Variants in GRIP1 observed in about 807,000 individuals in gnomAD.
GRIP1 encodes the protein glutamate receptor interacting protein 1, also known as glutamate receptor-interacting protein 1.
GRIP1 carries 45 observed loss-of-function variants against 129.9 expected under a neutral mutation model. The observed-to-expected ratio is 0.35, with a 90% CI of 0.27 to 0.44. The LOEUF (loss-of-function observed/expected upper bound fraction) is 0.44. GRIP1 is among the 20% of genes least tolerant of loss of function. GRIP1 has a pLI of 1.00. For missense variants in GRIP1, 1,196 were observed against 1,396.8 expected (o/e 0.86, Z 2.29); for synonymous variants, 530 against 520.8 (o/e 1.02, Z -0.24).
intron 1 of GRIP1, among the ~76,000 whole-genome samples, chr12:66,875,501 CT>C (rs1250194515): frequency 6.6e-6 from 1 of 152,052 alleles, no homozygotes; most frequent in East Asian, 1.9e-4. Context: ...CCACAGGCTG[CT>C]TCACAAACAT....
At chr12:66,771,467 G>C (rs1333586220) in intron 1 of GRIP1, among the ~76,000 whole-genome samples, 1 of 152,142 alleles carries the variant, frequency 6.6e-6, no homozygotes, top group East Asian at 1.9e-4. Flanking sequence ...AAACCATTGA[G>C]TACATCATAA....
intron 1 of GRIP1, among the ~76,000 whole-genome samples, chr12:66,958,361 T>C (rs771759623): frequency 5.9e-5 from 9 of 152,088 alleles, no homozygotes; most frequent in Non-Finnish European, 1.2e-4. Context: ...TTGAACTCCT[T>C]ACCCAAGCGA....
At chr12:66,375,547 A>G (rs1020468359) in intron 22 of GRIP1, among the ~76,000 whole-genome samples, 9 of 152,212 alleles carry the variant, frequency 5.9e-5, no homozygotes, top group African/African-American at 2.2e-4. Context: ...AAAAGTGTAA[A>G]TATAACTAAT....
chr12:66,983,847 A>G lies in GRIP1; in HGVS notation c.58+85203T>C, dbSNP rs1380589363. 2.0e-5 allele frequency among the ~76,000 whole-genome samples: 3 copies of G among 152,054 alleles called. No homozygotes were observed. The East Asian group carries it at 5.8e-4, about 29-fold the overall frequency. ...GAGGGTATACTTAATAGTGTTGCCC[A>G]GGAATTATCCTGGTGTCTGTTTTTG... On this transcript the variant is annotated intron_variant, in intron 1 of 1. Coordinates refer to the GRIP1 transcript ENST00000643019.
At chr12:66,852,876 G>A (rs2039938629) in intron 1 of GRIP1, among the ~76,000 whole-genome samples, 1 of 151,848 alleles carries the variant, frequency 6.6e-6, no homozygotes, top group African/African-American at 2.4e-5. Flanking sequence ...CAGTTTTACT[G>A]TTAAATATTG....
At chr12:66,733,429 C>T (rs78916354) in intron 1 of GRIP1, among the ~76,000 whole-genome samples, 2,886 of 152,166 alleles carry the variant, frequency 0.019, 47 homozygotes, top group Non-Finnish European at 0.032. Context: ...GAGGAAAGTG[C>T]CTTAAAGCAG....
chr12:66,431,886 A>T (rs2058158074), intron 14 of GRIP1, among the ~76,000 whole-genome samples: 2 of 152,134 alleles, frequency 1.3e-5, no homozygotes, highest in Admixed American at 1.3e-4. Context: ...GAGTACATTT[A>T]TATGCTCCAC....
intron 1 of GRIP1, among the ~76,000 whole-genome samples, chr12:66,676,060 A>ATT (rs921678591): frequency 6.6e-6 from 1 of 152,184 alleles, no homozygotes; most frequent in African/African-American, 2.4e-5. Flanking sequence ...CTAGAAATAC[A>ATT]TGTTTTATAC....
intron 1 of GRIP1, among the ~76,000 whole-genome samples, chr12:66,945,434 G>A (rs941645448): frequency 1.3e-5 from 2 of 152,188 alleles, no homozygotes; most frequent in Non-Finnish European, 2.9e-5. Flanking sequence ...ATTGGCTTAC[G>A]ATTTGGCAGG....
Position 66,889,351 on chromosome 12 carries a change from C to T in GRIP1, c.58+179699G>A, listed in dbSNP as rs113010931. ...TGGCAGGGGCCTATAATACCAGCTA[C>T]TCGGGAGGCTGAGGCAGGAGAATCA... On this transcript the variant is annotated intron_variant, in intron 1 of 1. Transcript: ENST00000643019. Among the ~76,000 whole-genome samples, 366 of 152,164 alleles carry T rather than the reference C, an allele frequency of 2.4e-3. 2 individuals are homozygous for T. The highest frequency in any genetic ancestry group is 8.6e-3 in the African/African-American group (355 of 41,520).
chr12:66,605,066 C>T (rs7311536), intron 1 of GRIP1, among the ~76,000 whole-genome samples: 29,254 of 146,684 alleles, frequency 0.2, 2,987 homozygotes, highest in Non-Finnish European at 0.23. Context: ...TATATATATA[C>T]ATATATATAT....
intron 1 of GRIP1, among the ~76,000 whole-genome samples, chr12:66,784,352 G>A (rs1277453369): frequency 6.6e-6 from 1 of 152,148 alleles, no homozygotes; most frequent in Admixed American, 6.5e-5. Flanking sequence ...TATTTGCACA[G>A]CACTGTACTA....
intron 1 of GRIP1, among the ~76,000 whole-genome samples, chr12:66,624,518 T>C (rs1346120231): frequency 6.6e-6 from 1 of 152,166 alleles, no homozygotes; most frequent in Non-Finnish European, 1.5e-5. Context: ...ATATAATTTA[T>C]TGATTCTCTC....
intron 1 of GRIP1, among the ~76,000 whole-genome samples, chr12:66,966,403 C>A (rs1181434321): frequency 6.6e-6 from 1 of 152,072 alleles, no homozygotes; most frequent in Non-Finnish European, 1.5e-5. Context: ...CTTATATCAA[C>A]CCAGAGAGTT....
chr12:66,770,465 G>A (rs1013746668), intron 1 of GRIP1, among the ~76,000 whole-genome samples: 18 of 152,124 alleles, frequency 1.2e-4, no homozygotes, highest in African/African-American at 4.1e-4. Flanking sequence ...AGAAAAGAAG[G>A]ATTCAGGTCT....
intron 4 of GRIP1, among the ~76,000 whole-genome samples, chr12:66,537,519 C>CATATAT (rs3047978): frequency 0.083 from 12,312 of 149,216 alleles, 563 homozygotes; most frequent in Admixed American, 0.14. Flanking sequence ...ATGGATATAT[C>CATATAT]ATATATATAT....
chr12:66,613,192 T>C (rs1171747710), intron 1 of GRIP1, among the ~76,000 whole-genome samples: 1 of 152,208 alleles, frequency 6.6e-6, no homozygotes, highest in Non-Finnish European at 1.5e-5. Context: ...AATTCTTTCA[T>C]AGCACGAGGA....
intron 14 of GRIP1, among the ~76,000 whole-genome samples, chr12:66,423,068 A>G (rs2057863564): frequency 6.6e-6 from 1 of 152,202 alleles, no homozygotes; most frequent in South Asian, 2.1e-4. Context: ...CTTACAAATT[A>G]GTAGATTTTA....
chr12:66,974,759 C>G (rs1357607262), intron 1 of GRIP1, among the ~76,000 whole-genome samples: 1 of 152,112 alleles, frequency 6.6e-6, no homozygotes, highest in Non-Finnish European at 1.5e-5. Context: ...TTAGAAGTAT[C>G]CAGGTCATAG....
Sources: gnomAD v4.1 joint callset for allele counts (sites outside exome capture counted in the v4.1 genomes callset) on GRCh38, gnomAD v4.1.1 for gene constraint, MANE v1.5 for transcripts, NCBI Gene and HGNC (gene_info 2026-07-23, HGNC 2026-07-21) for gene names.